Variants in CACNG2 observed in about 807,000 individuals in gnomAD.
CACNG2 encodes voltage-dependent calcium channel gamma-2 subunit.
Under a neutral mutation model 25.9 loss-of-function variants are expected in CACNG2, and 3 were observed. That is an observed-to-expected ratio of 0.12 (90% CI 0.05 to 0.30). The LOEUF (loss-of-function observed/expected upper bound fraction) is 0.30. Ranked by LOEUF, CACNG2 falls within the 10% of genes least tolerant of loss-of-function variation. CACNG2 has a pLI of 1.00. For synonymous variants in CACNG2, 167 were observed against 173.3 expected, an observed-to-expected ratio of 0.96 and a Z score of 0.29; for missense variants, 341 against 432.5, an observed-to-expected ratio of 0.79 and a Z score of 1.88.
At chr22:36,661,966 C>CTTTTTTTTTTTTTT (rs71193254) in intron 1 of CACNG2, among the ~76,000 whole-genome samples, 3 of 44,590 alleles carry the variant, frequency 6.7e-5, no homozygotes, top group Non-Finnish European at 6.5e-5. Flanking sequence ...CATTGCTATT[C>CTTTTTTTTTTTTTT]TTTTTTTTTT....
intron 1 of CACNG2, among the ~76,000 whole-genome samples, chr22:36,619,321 GTAAAAACAT>G (rs2145947939): frequency 6.6e-6 from 1 of 152,338 alleles, no homozygotes; most frequent in South Asian, 2.1e-4. Context: ...GGTTTAAAAT[GTAAAAACAT>G]TATCACTAGG....
intron 1 of CACNG2, among the ~76,000 whole-genome samples, chr22:36,610,358 G>T (rs5756260): frequency 0.83 from 114,966 of 139,064 alleles, 48,330 homozygotes; most frequent in East Asian, 0.96. Flanking sequence ...AGTCAGCCCC[G>T]TAGAGCGTGA....
intron 1 of CACNG2, among the ~76,000 whole-genome samples, chr22:36,633,268 A>G (rs934356952): frequency 6.6e-6 from 1 of 152,246 alleles, no homozygotes; most frequent in African/African-American, 2.4e-5. Context: ...CAGATTCTAT[A>G]ACAGTGTTTG....
At chr22:36,592,860 G>A (rs755439892) in intron 1 of CACNG2, among the ~76,000 whole-genome samples, 7 of 152,196 alleles carry the variant, frequency 4.6e-5, no homozygotes, top group Non-Finnish European at 8.8e-5. Context: ...AGCAGCCCCA[G>A]GAGGTCAGGG....
At position 36,703,464 on chromosome 22, in the gene CACNG2, G is replaced by C. The variant is rs1396371786; in HGVS notation, c.-888C>G. 1 of 152,512 alleles carries C rather than the reference G, an allele frequency of 6.6e-6. No homozygotes were observed. The highest frequency in any genetic ancestry group is 1.5e-5 in the Non-Finnish European group (1 of 68,332). The allele number at this position is 152,512 out of a possible 1,614,324, so 9.4% of individuals were successfully genotyped here. ...CGTCTTGCTGCAGGGTGGGCCGCGC[G>C]CCTGCCCCCCACTCGCTACCGGCTG... On this transcript the variant is annotated 5_prime_UTR_variant, in exon 1 of 4. Transcript: ENST00000300105.
At chr22:36,679,340 G>C (rs559742283) in intron 1 of CACNG2, among the ~76,000 whole-genome samples, 1 of 152,046 alleles carries the variant, frequency 6.6e-6, no homozygotes, top group Non-Finnish European at 1.5e-5. Context: ...ACATGGGCAG[G>C]AGCAAATGTA....
At chr22:36,616,555 C>T (rs914778251) in intron 1 of CACNG2, among the ~76,000 whole-genome samples, 6 of 152,092 alleles carry the variant, frequency 3.9e-5, no homozygotes, top group African/African-American at 9.7e-5. Flanking sequence ...GAGGTCTGGA[C>T]AAAGTGTGAC....
At chr22:36,622,318 G>C (rs1458931127) in intron 1 of CACNG2, among the ~76,000 whole-genome samples, 1 of 152,208 alleles carries the variant, frequency 6.6e-6, no homozygotes, top group East Asian at 1.9e-4. Flanking sequence ...GCAGACTGCA[G>C]GGCCCTATGC....
intron 1 of CACNG2, among the ~76,000 whole-genome samples, chr22:36,689,712 C>T (rs1601458247): frequency 6.6e-6 from 1 of 152,252 alleles, no homozygotes; most frequent in East Asian, 1.9e-4. Context: ...TCCCTCCCAT[C>T]TCTCTGCAGC....
At chr22:36,699,237 TCACA>T (rs3076293) in intron 1 of CACNG2, among the ~76,000 whole-genome samples, 43,380 of 141,666 alleles carry the variant, frequency 0.31, 6,665 homozygotes, top group Middle Eastern at 0.36. Context: ...GATTTCAAGT[TCACA>T]CACACACACA....
chr22:36,662,638 A>G (rs552680012), intron 1 of CACNG2, among the ~76,000 whole-genome samples: 33 of 152,220 alleles, frequency 2.2e-4, no homozygotes, highest in African/African-American at 7.2e-4. Context: ...CTTCCCTCCT[A>G]AGCACTATCG....
chr22:36,682,327 G>A (rs1937135279), intron 1 of CACNG2, among the ~76,000 whole-genome samples: 1 of 152,234 alleles, frequency 6.6e-6, no homozygotes, highest in African/African-American at 2.4e-5. Flanking sequence ...TCTGCAGAAT[G>A]AGGAAGAGAA....
intron 1 of CACNG2, among the ~76,000 whole-genome samples, chr22:36,641,657 C>T (rs1569037932): frequency 2.6e-5 from 4 of 152,234 alleles, no homozygotes; most frequent in South Asian, 2.1e-4. Flanking sequence ...GTGTGTACGA[C>T]GATTCTCTAG....
intron 1 of CACNG2, among the ~76,000 whole-genome samples, chr22:36,679,279 G>A (rs933605276): frequency 6.0e-5 from 9 of 148,894 alleles, no homozygotes; most frequent in South Asian, 2.1e-4. Flanking sequence ...GATGAGTTCC[G>A]GTGAAGTGTG....
chr22:36,679,505 C>T (rs1221927555), intron 1 of CACNG2, among the ~76,000 whole-genome samples: 1 of 152,076 alleles, frequency 6.6e-6, no homozygotes, highest in Non-Finnish European at 1.5e-5. Flanking sequence ...CCACTAGGAA[C>T]CAGATTACAA....
intron 1 of CACNG2, among the ~76,000 whole-genome samples, chr22:36,674,472 A>G (rs2014153): frequency 0.33 from 50,816 of 151,868 alleles, 8,898 homozygotes; most frequent in Middle Eastern, 0.44. Context: ...GGGATTACAG[A>G]CGTGCACCAC....
intron 1 of CACNG2, among the ~76,000 whole-genome samples, chr22:36,644,798 T>G (rs568501666): frequency 5.0e-4 from 76 of 151,900 alleles, no homozygotes; most frequent in African/African-American, 1.8e-3. Flanking sequence ...ATATAAGTGG[T>G]TTTTTTTGTT....
chr22:36,587,401 T>G, intron 2 of CACNG2, 64 bp downstream of exon 2: 1 of 1,185,284 alleles, frequency 8.4e-7, no homozygotes, highest in Non-Finnish European at 1.3e-6. Context: ...TCCTTGACTC[T>G]GTGAAGGATG....
Position 36,564,139 on chromosome 22 carries a change from T to C in CACNG2, c.*212A>G, listed in dbSNP as rs970754022. ...CTGTTGTTTTGCTTCTTTGTTCCTC[T>C]TATATTTTGTTCTTTTTTTTAAAAT... On this transcript the variant is annotated 3_prime_UTR_variant, in exon 4 of 4. Transcript: ENST00000300105. The surrounding 1 kb of genome is among the most constrained non-coding windows in gnomAD (Gnocchi z 6.7). 15 of 479,806 alleles carry C rather than the reference T, an allele frequency of 3.1e-5. No homozygotes were observed. The highest frequency in any genetic ancestry group is 2.8e-4 in the African/African-American group (14 of 50,048). 29.7% of individuals were successfully genotyped at this position (479,806 alleles called of 1,614,324 possible). A position where few individuals can be genotyped will look rare whatever the true frequency, so the allele number is the denominator to read the frequency against.
Sources: gnomAD v4.1 joint callset for allele counts (sites outside exome capture counted in the v4.1 genomes callset) on GRCh38, gnomAD v4.1.1 for gene constraint, Gnocchi (gnomAD v3.1) non-coding constraint, MANE v1.5 for transcripts, NCBI Gene and HGNC (gene_info 2026-07-23, HGNC 2026-07-21) for gene names.